PTPN13: variants seen among roughly 807,000 people sequenced by gnomAD.
The protein encoded by PTPN13 is tyrosine-protein phosphatase non-receptor type 13.
A neutral mutation model predicts 284.0 loss-of-function variants in PTPN13; 191 were observed. The ratio of observed to expected loss-of-function variants is 0.67; its 90% confidence interval spans 0.60 to 0.76. The LOEUF is 0.76. PTPN13 is among the 30% of genes least tolerant of loss of function. The pLI, the probability that PTPN13 is intolerant of heterozygous loss-of-function variation, is 0.00. For synonymous variants in PTPN13, 986 were observed against 1,022.3 expected (o/e 0.96, Z 0.68); for missense variants, 2,797 against 2,939.9 (o/e 0.95, Z 1.12).
intron 10 of PTPN13, among the ~76,000 whole-genome samples, chr4:86,729,241 A>G (rs911695695): frequency 6.7e-5 from 10 of 149,548 alleles, no homozygotes; most frequent in African/African-American, 2.4e-4. Context: ...CTTTGTGGGT[A>G]ACCCGACCTT....
intron 1 of PTPN13, 71 bp from the exon 2 acceptor site, chr4:86,635,181 G>A: frequency 6.7e-7 from 1 of 1,498,494 alleles, no homozygotes; most frequent in Non-Finnish European, 9.1e-7. Flanking sequence ...CATCACTGAT[G>A]TAGAGCTTTT....
At chr4:86,651,354 G>A (rs1725052486) in intron 2 of PTPN13, among the ~76,000 whole-genome samples, 1 of 151,984 alleles carries the variant, frequency 6.6e-6, no homozygotes, top group Non-Finnish European at 1.5e-5. Context: ...CTATTTATCA[G>A]TAATATTGGC....
intron 23 of PTPN13, among the ~76,000 whole-genome samples, chr4:86,760,895 T>A (rs1210028564): frequency 6.6e-6 from 1 of 151,990 alleles, no homozygotes; most frequent in Non-Finnish European, 1.5e-5. Flanking sequence ...AAATTACCAA[T>A]GTGTATTCTA....
At chr4:86,642,854 G>A (rs183667374) in intron 2 of PTPN13, among the ~76,000 whole-genome samples, 55 of 152,192 alleles carry the variant, frequency 3.6e-4, no homozygotes, top group African/African-American at 1.3e-3. Context: ...ATTCATGTAG[G>A]AGCTCAGTGT....
At chr4:86,772,059 T>C (rs1740057675) in intron 31 of PTPN13, among the ~76,000 whole-genome samples, 1 of 152,258 alleles carries the variant, frequency 6.6e-6, no homozygotes, top group Admixed American at 6.5e-5. Context: ...ACTTTATTTA[T>C]TCAAGTTTTT....
chr4:86,629,657 C>G (rs1565181953), intron 1 of PTPN13, among the ~76,000 whole-genome samples: 1 of 152,132 alleles, frequency 6.6e-6, no homozygotes, highest in Non-Finnish European at 1.5e-5. Flanking sequence ...CCATAATTTT[C>G]TCCTAACTTT....
At chr4:86,653,522 A>C (rs116703124) in intron 2 of PTPN13, among the ~76,000 whole-genome samples, 6,647 of 139,232 alleles carry the variant, frequency 0.048, 200 homozygotes, top group African/African-American at 0.062. Flanking sequence ...TTTTGTGTTT[A>C]TTGTTTTTTA....
intron 27 of PTPN13, among the ~76,000 whole-genome samples, chr4:86,767,454 C>T (rs1739464584): frequency 6.6e-6 from 1 of 151,936 alleles, no homozygotes; most frequent in African/African-American, 2.4e-5. Flanking sequence ...CCATGTTGGC[C>T]AGGCTGGTCT....
intron 3 of PTPN13, among the ~76,000 whole-genome samples, chr4:86,678,334 C>G (rs1728515898): frequency 6.6e-6 from 1 of 152,146 alleles, no homozygotes; most frequent in Admixed American, 6.5e-5. Flanking sequence ...CCATCATACC[C>G]TCAGAGGTCA....
intron 16 of PTPN13, among the ~76,000 whole-genome samples, chr4:86,742,364 T>A (rs1158066599): frequency 2.0e-5 from 3 of 152,198 alleles, no homozygotes; most frequent in African/African-American, 4.8e-5. Context: ...TGGAAGATAG[T>A]TAGTGATAAA....
At chr4:86,780,510 A>G (rs889153840) in intron 36 of PTPN13, 38 bp downstream of exon 36, 4 of 1,366,570 alleles carry the variant, frequency 2.9e-6, no homozygotes, top group Non-Finnish European at 4.1e-6. Context: ...CTCCTACGGT[A>G]ATGGGAATGT....
intron 36 of PTPN13, among the ~76,000 whole-genome samples, chr4:86,780,984 G>A (rs1741234671): frequency 1.3e-5 from 2 of 152,294 alleles, no homozygotes; most frequent in South Asian, 4.1e-4. Context: ...GGGAACAGGA[G>A]AAAGAGATTA....
chr4:86,780,977 A>G (rs1741234078), intron 36 of PTPN13, among the ~76,000 whole-genome samples: 2 of 152,180 alleles, frequency 1.3e-5, no homozygotes, highest in Admixed American at 1.3e-4. Context: ...CATTTAGGGG[A>G]ACAGGAGAAA....
rs72870674 is a variant in PTPN13, at chr4:86,633,252, C to A, written c.-5-2000C>A. ...TCTGTGTGGCCGTGCTTCCTTGCCC[C>A]TCTCTTACCCTGAGCAGTGGAAGTA... is the stretch of plus-strand genomic sequence containing the variant. On this transcript the variant is annotated intron_variant, in intron 1 of 47. Coordinates refer to ENST00000411767, the MANE Select transcript of PTPN13 (RefSeq NM_080683.3). 2.8e-3 allele frequency among the ~76,000 whole-genome samples: 420 copies of A among 152,284 alleles called. 4 individuals are homozygous for A. Among genetic ancestry groups the A allele is most frequent in the African/African-American group, 9.6e-3 (400 of 41,552 alleles).
intron 7 of PTPN13, among the ~76,000 whole-genome samples, chr4:86,709,687 G>A (rs73835706): frequency 0.019 from 2,883 of 152,208 alleles, 86 homozygotes; most frequent in African/African-American, 0.066. Flanking sequence ...TTTTGAAAAA[G>A]ACAGTGAAGT....
At chr4:86,659,989 A>T (rs1382558133) in intron 2 of PTPN13, among the ~76,000 whole-genome samples, 2 of 152,252 alleles carry the variant, frequency 1.3e-5, no homozygotes, top group Admixed American at 6.5e-5. Flanking sequence ...GTGAGTACTT[A>T]TGTATTTCAA....
chr4:86,594,834 G>A (rs1317490178), intron 1 of PTPN13, 45 bp downstream of exon 1: 1 of 152,354 alleles, frequency 6.6e-6, no homozygotes, highest in Admixed American at 6.5e-5. Context: ...ATGTGCAGAA[G>A]TGCAAAACAA....
chr4:86,799,853 T>TTTTTTTTTG (rs1475922626), intron 42 of PTPN13, among the ~76,000 whole-genome samples: 1 of 134,646 alleles, frequency 7.4e-6, no homozygotes, highest in African/African-American at 2.8e-5. Context: ...TTTTTTTTTT[T>TTTTTTTTTG]GAGACAGAGT....
intron 35 of PTPN13, among the ~76,000 whole-genome samples, 157 bp from the exon 36 acceptor site, chr4:86,780,244 CA>C: frequency 6.6e-6 from 1 of 152,082 alleles, no homozygotes; most frequent in Non-Finnish European, 1.5e-5. Context: ...ACAAAAAATA[CA>C]AAAAAATAGC....
Sources: gnomAD v4.1 joint callset for allele counts (sites outside exome capture counted in the v4.1 genomes callset) on GRCh38, gnomAD v4.1.1 for gene constraint, MANE v1.5 for transcripts, NCBI Gene and HGNC (gene_info 2026-07-23, HGNC 2026-07-21) for gene names.